Variants in PIGL observed in about 807,000 individuals in gnomAD.
PIGL encodes the protein phosphatidylinositol glycan anchor biosynthesis class L.
A neutral mutation model predicts 31.1 loss-of-function variants in PIGL; 22 were observed. The observed-to-expected ratio is 0.71, with a 90% CI of 0.51 to 1.01. The LOEUF is 1.01. PIGL is among the 50% of genes least tolerant of loss of function. The pLI is 0.00. For synonymous variants in PIGL, 131 were observed against 117.4 expected (o/e 1.12, Z -0.75); for missense variants, 302 against 315.9 (o/e 0.96, Z 0.33).
At chr17:16,296,387 G>A (rs945193464) in intron 2 of PIGL, among the ~76,000 whole-genome samples, 1 of 151,970 alleles carries the variant, frequency 6.6e-6, no homozygotes, top group Non-Finnish European at 1.5e-5. Flanking sequence ...TGAGGTGGGC[G>A]GATCACAAGG....
chr17:16,282,183 C>T, intron 2 of PIGL: 1 of 405,248 alleles, frequency 2.5e-6, no homozygotes, highest in South Asian at 1.7e-5. Context: ...TCAGCTTTGC[C>T]TGCCCACAGT....
At chr17:16,242,438 A>G (rs2092726677) in intron 2 of PIGL, among the ~76,000 whole-genome samples, 1 of 152,050 alleles carries the variant, frequency 6.6e-6, no homozygotes, top group Admixed American at 6.6e-5. Context: ...TATTGCTGTG[A>G]AAAAGATTTT....
intron 2 of PIGL, among the ~76,000 whole-genome samples, chr17:16,276,923 G>A (rs1239505981): frequency 2.0e-5 from 3 of 152,070 alleles, no homozygotes; most frequent in Admixed American, 2.0e-4. Flanking sequence ...TTTCACATAG[G>A]CTTTTAAAAT....
intron 2 of PIGL, among the ~76,000 whole-genome samples, chr17:16,294,791 C>T (rs900828032): frequency 6.6e-6 from 1 of 152,172 alleles, no homozygotes; most frequent in Non-Finnish European, 1.5e-5. Flanking sequence ...CCCCCATCCT[C>T]CACCCTAAGT....
At chr17:16,251,264 A>G (rs1207678652) in intron 2 of PIGL, among the ~76,000 whole-genome samples, 1 of 152,084 alleles carries the variant, frequency 6.6e-6, no homozygotes, top group Non-Finnish European at 1.5e-5. Flanking sequence ...CATCTCTACA[A>G]AAAATAAAAC....
intron 2 of PIGL, among the ~76,000 whole-genome samples, chr17:16,273,298 T>C (rs1367386515): frequency 6.6e-6 from 1 of 152,186 alleles, no homozygotes; most frequent in African/African-American, 2.4e-5. Flanking sequence ...GTGCATTCCA[T>C]ATGAGTTCTT....
intron 2 of PIGL, among the ~76,000 whole-genome samples, chr17:16,254,854 G>A (rs555125983): frequency 6.2e-4 from 94 of 152,178 alleles, no homozygotes; most frequent in Non-Finnish European, 1.3e-3. Flanking sequence ...CACCCGCCTC[G>A]GCCTCTCAAA....
chr17:16,299,935 C>T lies in PIGL; in HGVS notation c.383C>T (p.Ala128Val). 1 of 1,614,056 alleles carries T rather than the reference C, an allele frequency of 6.2e-7. No homozygotes were observed. The highest frequency in any genetic ancestry group is 8.5e-7 in the Non-Finnish European group (1 of 1,179,920). Residue 128 changes from alanine (A) to valine (V), a missense_variant, in exon 3 of 7, where the codon GCC (alanine) becomes GTC (valine). Coordinates refer to ENST00000225609, the MANE Select transcript of PIGL (RefSeq NM_004278.4). ...ATGCAGTGGGACACAGAGCACGTGG[C>T]CAGAGTCCTCCTTCAGCACATAGAA... ...PGMQWDTEHV[A>V]RVLLQHIEVN...
intron 2 of PIGL, among the ~76,000 whole-genome samples, chr17:16,264,599 CATTATT>C (rs67790275): frequency 0.027 from 3,866 of 143,954 alleles, 201 homozygotes; most frequent in African/African-American, 0.094. Flanking sequence ...AACACATCGT[CATTATT>C]ATTATTATTA....
At chr17:16,229,858 A>T (rs866916082) in intron 1 of PIGL, among the ~76,000 whole-genome samples, 61 of 97,676 alleles carry the variant, frequency 6.2e-4, no homozygotes, top group Admixed American at 8.7e-4. Flanking sequence ...TAAAGTCATG[A>T]TTTTTTTTTT....
At chr17:16,296,959 A>T (rs1416427863) in intron 2 of PIGL, among the ~76,000 whole-genome samples, 1 of 151,990 alleles carries the variant, frequency 6.6e-6, no homozygotes, top group Non-Finnish European at 1.5e-5. Context: ...TGACCTCGTG[A>T]TCCGCCCGCC....
intron 1 of PIGL, among the ~76,000 whole-genome samples, chr17:16,231,749 G>A (rs2092680319): frequency 6.6e-6 from 1 of 152,058 alleles, no homozygotes; most frequent in South Asian, 2.1e-4. Context: ...ATACAATTGT[G>A]CATGAGCTTA....
intron 2 of PIGL, among the ~76,000 whole-genome samples, chr17:16,245,182 G>A (rs780863313): frequency 1.3e-5 from 2 of 151,968 alleles, no homozygotes; most frequent in Admixed American, 6.6e-5. Flanking sequence ...TAGTAGAGAC[G>A]AGGTTTCACC....
rs2093125017 is a variant in PIGL at position 16,325,807 on chromosome 17, T to C, written c.668T>C (p.Met223Thr). Reference protein sequence around the residue: ...SKEVAQAKKAMSCHRSQLLWF... With the variant: ...SKEVAQAKKATSCHRSQLLWF... ...TCTCTTTGATTCTTCTAGAAAGCCA[T>C]GTCCTGCCACCGCAGCCAGCTCCTC... is the stretch of plus-strand genomic sequence containing the variant. Residue 223 changes from methionine to threonine, a missense_variant, in exon 7 of 7, where the codon ATG (methionine) becomes ACG (threonine). By Grantham distance (81) the Met-to-Thr change is moderately conservative. Coordinates refer to ENST00000225609, the MANE Select transcript of PIGL (RefSeq NM_004278.4). The C allele has an allele frequency of 6.2e-7, 1 of 1,613,312 alleles. No individual in the cohort carries two copies. The highest frequency in any genetic ancestry group is 8.5e-7 in the Non-Finnish European group (1 of 1,179,290).
At chr17:16,266,107 C>G (rs2092841393) in intron 2 of PIGL, among the ~76,000 whole-genome samples, 1 of 152,062 alleles carries the variant, frequency 6.6e-6, no homozygotes, top group South Asian at 2.1e-4. Flanking sequence ...CCTCATTCAT[C>G]TCCAGAATTA....
At position 16,325,813 on chromosome 17, in the gene PIGL, G is replaced by C. The variant is rs780744491; in HGVS notation, c.674G>C (p.Cys225Ser). Reference sequence around the variant, plus strand: ...TGATTCTTCTAGAAAGCCATGTCCTGCCACCGCAGCCAGCTCCTCTGGTTC... The same window carrying C: ...TGATTCTTCTAGAAAGCCATGTCCTCCCACCGCAGCCAGCTCCTCTGGTTC... ...EVAQAKKAMS[C>S]HRSQLLWFRR... The change falls in exon 7 of 7, where the codon TGC (cysteine) becomes TCC (serine). Residue 225 changes from cysteine to serine, a missense_variant. Cys to Ser is a moderately radical substitution (Grantham distance 112). Coordinates refer to ENST00000225609, the MANE Select transcript of PIGL (RefSeq NM_004278.4). The C allele has an allele frequency of 2.5e-6, 4 of 1,613,456 alleles. No individual in the cohort carries two copies. Among genetic ancestry groups the C allele is most frequent in the Non-Finnish European group, 3.4e-6 (4 of 1,179,480 alleles).
At chr17:16,308,970 C>T (rs1443270862) in intron 3 of PIGL, among the ~76,000 whole-genome samples, 1 of 152,080 alleles carries the variant, frequency 6.6e-6, no homozygotes, top group East Asian at 1.9e-4. Flanking sequence ...AAATTTCTTT[C>T]TGTAAAGACA....
chr17:16,268,995 C>T (rs2092858134), intron 2 of PIGL, among the ~76,000 whole-genome samples: 1 of 152,154 alleles, frequency 6.6e-6, no homozygotes, highest in South Asian at 2.1e-4. Context: ...ATCTCCTGAC[C>T]TAATGATCTG....
intron 1 of PIGL, among the ~76,000 whole-genome samples, chr17:16,229,993 C>T (rs1374927822): frequency 2.0e-5 from 3 of 151,126 alleles, no homozygotes; most frequent in Non-Finnish European, 4.4e-5. Flanking sequence ...TCCCGAGTAG[C>T]TGGGACTACA....
Sources: allele counts gnomAD v4.1 joint callset (sites outside exome capture counted in the v4.1 genomes callset), GRCh38; gene constraint gnomAD v4.1.1; transcripts MANE v1.5; gene names NCBI Gene and HGNC (gene_info 2026-07-23, HGNC 2026-07-21).